ULK4: variants seen among roughly 807,000 people sequenced by gnomAD.
ULK4 encodes the protein unc-51 like kinase 4.
A neutral mutation model predicts 160.6 loss-of-function variants in ULK4; 133 were observed. The observed-to-expected ratio is 0.83, with a 90% confidence interval of 0.72 to 0.96. The LOEUF (loss-of-function observed/expected upper bound fraction) is 0.96, where lower values mean the gene tolerates loss of function less well. Among genes scored for constraint, ULK4 ranks in the 40% least tolerant of loss-of-function variants. The probability of loss-of-function intolerance (pLI) is 0.00; values close to 1 mark genes in which losing one functional copy is unlikely to be tolerated. For synonymous variants in ULK4, 534 were observed against 539.8 expected (o/e 0.99, Z 0.15); for missense variants, 1,580 against 1,499.5 (o/e 1.05, Z -0.89).
At chr3:41,922,883 T>C (rs184639325) in intron 5 of ULK4, among the ~76,000 whole-genome samples, 7 of 152,288 alleles carry the variant, frequency 4.6e-5, no homozygotes, top group Admixed American at 4.6e-4. Context: ...CAAGAATCCC[T>C]GAACCAGGCC....
At chr3:41,819,564 C>T in intron 18 of ULK4, 58 bp from the exon 19 acceptor site, 2 of 1,503,524 alleles carry the variant, frequency 1.3e-6, no homozygotes, top group African/African-American at 2.8e-5. Context: ...AGATATTAAC[C>T]CATTCAAGCA....
intron 17 of ULK4, among the ~76,000 whole-genome samples, chr3:41,870,512 G>C (rs148928953): frequency 6.6e-6 from 1 of 152,158 alleles, no homozygotes. Context: ...AAGTGTTTTT[G>C]AACTTTTATT....
At chr3:41,617,388 C>T (rs893218529) in intron 30 of ULK4, among the ~76,000 whole-genome samples, 2 of 152,160 alleles carry the variant, frequency 1.3e-5, no homozygotes, top group African/African-American at 4.8e-5. Context: ...GGCATCAGGC[C>T]GGTGCCCCTC....
intron 30 of ULK4, among the ~76,000 whole-genome samples, chr3:41,657,719 A>G (rs1221589082): frequency 6.6e-6 from 1 of 151,340 alleles, no homozygotes; most frequent in Non-Finnish European, 1.5e-5. Context: ...CAGGAGGCAG[A>G]GGCAGAGAAT....
intron 31 of ULK4, among the ~76,000 whole-genome samples, chr3:41,595,011 G>A (rs1254150673): frequency 6.6e-6 from 1 of 152,184 alleles, no homozygotes. Context: ...CAGTTTTGGT[G>A]TGTGAGAGGA....
intron 2 of ULK4, among the ~76,000 whole-genome samples, chr3:41,942,144 T>C (rs1199331478): frequency 6.6e-6 from 1 of 152,184 alleles, no homozygotes; most frequent in Non-Finnish European, 1.5e-5. Flanking sequence ...AAGTGGCTTG[T>C]CTGAACTGGG....
intron 32 of ULK4, among the ~76,000 whole-genome samples, chr3:41,547,454 C>T (rs1332096676): frequency 6.6e-6 from 1 of 152,120 alleles, no homozygotes; most frequent in African/African-American, 2.4e-5. Context: ...GAGAGGCTCT[C>T]CAGTATAGGG....
intron 34 of ULK4, among the ~76,000 whole-genome samples, chr3:41,428,438 C>G (rs572289312): frequency 6.6e-6 from 1 of 151,660 alleles, no homozygotes; most frequent in Admixed American, 6.6e-5. Flanking sequence ...CATATGAAAC[C>G]AAAAAAAGAG....
intron 31 of ULK4, among the ~76,000 whole-genome samples, chr3:41,576,026 G>T (rs1421058880): frequency 2.0e-5 from 3 of 152,172 alleles, no homozygotes; most frequent in African/African-American, 7.2e-5. Flanking sequence ...TTATGTATCT[G>T]CCTGTAGTGT....
intron 32 of ULK4, among the ~76,000 whole-genome samples, chr3:41,514,661 G>A (rs1259885151): frequency 6.6e-6 from 1 of 152,174 alleles, no homozygotes; most frequent in African/African-American, 2.4e-5. Flanking sequence ...ATTATCCTGA[G>A]TGAAACAAGC....
chr3:41,563,290 A>G (rs1407851002), intron 32 of ULK4, among the ~76,000 whole-genome samples: 1 of 151,564 alleles, frequency 6.6e-6, no homozygotes, highest in Non-Finnish European at 1.5e-5. Context: ...TGCCCTTAAC[A>G]TTTTTTCCTT....
At chr3:41,582,172 G>C (rs561842788) in intron 31 of ULK4, among the ~76,000 whole-genome samples, 12 of 152,222 alleles carry the variant, frequency 7.9e-5, no homozygotes, top group Middle Eastern at 3.4e-3. Context: ...AAGATCTGAA[G>C]GTTTTGTAAG....
At chr3:41,550,945 T>C (rs1486881408) in intron 32 of ULK4, among the ~76,000 whole-genome samples, 1 of 151,900 alleles carries the variant, frequency 6.6e-6, no homozygotes, top group East Asian at 1.9e-4. Context: ...TCTCAGAACA[T>C]AATGGAGTAA....
intron 25 of ULK4, among the ~76,000 whole-genome samples, chr3:41,710,624 T>A (rs2037061543): frequency 6.6e-6 from 1 of 151,806 alleles, no homozygotes. Context: ...TGAAACCCCA[T>A]CTCTACAAAA....
At chr3:41,715,828 T>C (rs940254844) in intron 23 of ULK4, among the ~76,000 whole-genome samples, 1 of 146,100 alleles carries the variant, frequency 6.8e-6, no homozygotes, top group Non-Finnish European at 1.5e-5. Context: ...TAAATTATTA[T>C]AATAGAGTAA....
At chr3:41,948,254 C>T (rs770596602) in intron 2 of ULK4, among the ~76,000 whole-genome samples, 2 of 152,122 alleles carry the variant, frequency 1.3e-5, no homozygotes, top group Non-Finnish European at 2.9e-5. Context: ...AGTTTGAGGG[C>T]AGCCTGGCCA....
Position 41,772,582 on chromosome 3 carries a change from C to T in ULK4, c.2193+17079G>A, listed in dbSNP as rs1455816747. Among the ~76,000 whole-genome samples the T allele has an allele frequency of 2.0e-5, 3 of 152,234 alleles. 1 individual carries two copies. Among genetic ancestry groups the T allele is most frequent in the South Asian group, 4.1e-4 (2 of 4,828 alleles). On this transcript the variant is annotated intron_variant, in intron 21 of 36. Coordinates refer to ENST00000301831, the MANE Select transcript of ULK4 (RefSeq NM_017886.4). ...CTGAAATTGCGGCAATAATTAATAG[C>T]TTATCAACCAAAAAAAGTCCAGGAC... is the stretch of plus-strand genomic sequence containing the variant.
intron 22 of ULK4, 57 bp downstream of exon 22, chr3:41,754,304 C>T: frequency 6.4e-7 from 1 of 1,562,754 alleles, no homozygotes; most frequent in Non-Finnish European, 8.6e-7. Flanking sequence ...CCTACAACTA[C>T]TAATACAACA....
At chr3:41,922,900 G>A (rs75119926) in intron 5 of ULK4, among the ~76,000 whole-genome samples, 2,498 of 151,956 alleles carry the variant, frequency 0.016, 66 homozygotes, top group East Asian at 0.13. Context: ...GGCCAGGTGC[G>A]GTGCCTCACA....
Sources: allele counts gnomAD v4.1 joint callset (sites outside exome capture counted in the v4.1 genomes callset), GRCh38; gene constraint gnomAD v4.1.1; transcripts MANE v1.5; gene names NCBI Gene and HGNC (gene_info 2026-07-23, HGNC 2026-07-21).